The following SCP2 variants were observed in gnomAD, a reference collection of about 807,000 sequenced individuals.
SCP2 encodes the protein SCP-2/3-oxoacyl-CoA thiolase.
SCP2 carries 48 observed loss-of-function variants against 71.4 expected under a neutral mutation model. The ratio of observed to expected loss-of-function variants is 0.67; its 90% confidence interval spans 0.53 to 0.86. The LOEUF (loss-of-function observed/expected upper bound fraction) is 0.86. Among genes scored for constraint, SCP2 ranks in the 40% least tolerant of loss-of-function variants. The pLI, the probability that SCP2 is intolerant of heterozygous loss-of-function variation, is 0.00. For missense variants in SCP2, 560 were observed against 655.6 expected, an observed-to-expected ratio of 0.85 and a Z score of 1.59; for synonymous variants, 220 against 218.1, an observed-to-expected ratio of 1.01 and a Z score of -0.08.
Position 53,038,991 on chromosome 1 carries a change from G to A in SCP2, c.1413G>A (p.Glu471=), listed in dbSNP as rs1572226443. 1 of 1,614,116 alleles carries A rather than the reference G, an allele frequency of 6.2e-7. No homozygotes were observed. Among genetic ancestry groups the A allele is most frequent in the Non-Finnish European group, 8.5e-7 (1 of 1,179,980 alleles). Residue 471 remains glutamate (E), a synonymous_variant, in exon 14 of 16, where the codon GAG becomes GAA. Transcript: ENST00000371514. ...FKVKDGPGGK[E]ATWVVDVKNG... ...TGAAAGATGGCCCTGGGGGTAAAGA[G>A]GCCACCTGGGTGGTGGATGTGAAGA...
Position 52,988,137 on chromosome 1 carries a change from G to T in SCP2, c.1081+1G>T, listed in dbSNP as rs1163470161. ...AAGGGACACCCACTAGGCGCTACAG[G>T]TAATGCTACATACAGATTTCATACA... On this transcript the variant is annotated splice_donor_variant, in intron 11 of 15. Coordinates refer to ENST00000371514, the MANE Select transcript of SCP2 (RefSeq NM_002979.5). LOFTEE classifies it high-confidence loss of function. 1 of 1,408,448 alleles carries T rather than the reference G, an allele frequency of 7.1e-7. No individual in the cohort carries two copies. The highest frequency in any genetic ancestry group is 1.7e-5 in the Admixed American group (1 of 59,678). The allele number at this position is 1,408,448 out of a possible 1,614,324, so 87.2% of individuals were successfully genotyped here. A position where few individuals can be genotyped will look rare whatever the true frequency, so the allele number is the denominator to read the frequency against.
At chr1:53,040,954 AT>A (rs1232706000) in intron 14 of SCP2, among the ~76,000 whole-genome samples, 1 of 152,206 alleles carries the variant, frequency 6.6e-6, no homozygotes, top group Non-Finnish European at 1.5e-5. Context: ...GCCTTCAAAA[AT>A]GAATAATTTA....
At chr1:52,959,462 G>A (rs1656131339) in intron 5 of SCP2, among the ~76,000 whole-genome samples, 1 of 152,070 alleles carries the variant, frequency 6.6e-6, no homozygotes, top group African/African-American at 2.4e-5. Flanking sequence ...CCCAAAGTGA[G>A]ATTACAGGCA....
At chr1:52,929,945 A>G (rs1043118032) in intron 1 of SCP2, among the ~76,000 whole-genome samples, 1 of 152,116 alleles carries the variant, frequency 6.6e-6, no homozygotes. Flanking sequence ...TAACACAACT[A>G]AGTCACAGCT....
chr1:52,958,354 C>T (rs115835564), intron 5 of SCP2, among the ~76,000 whole-genome samples: 1,648 of 152,038 alleles, frequency 0.011, 25 homozygotes, highest in African/African-American at 0.038. Context: ...CTTCAACCTC[C>T]GAAGTAACTG....
chr1:53,016,324 G>A lies in SCP2; in HGVS notation c.1235+1281G>A, dbSNP rs78475315. Among the ~76,000 whole-genome samples the A allele has an allele frequency of 6.3e-3, 958 of 152,092 alleles. 16 individuals carry two copies. The highest frequency in any genetic ancestry group is 0.022 in the African/African-American group (913 of 41,450). On this transcript the variant is annotated intron_variant, in intron 12 of 15. Transcript: ENST00000371514. ...TAGTTGGTTTGGTTGCACTGTATCCGGTTTTTAATTCCCTTTATTATATGA... is the reference window on the plus strand; with the variant it reads ...TAGTTGGTTTGGTTGCACTGTATCCAGTTTTTAATTCCCTTTATTATATGA...
chr1:53,050,295 T>A, intron 15 of SCP2: 1 of 260,456 alleles, frequency 3.8e-6, no homozygotes, highest in Non-Finnish European at 7.5e-6. Context: ...ATTTCCCACC[T>A]ACATGGAATG....
chr1:53,040,930 C>A (rs372667313), intron 14 of SCP2, among the ~76,000 whole-genome samples: 1 of 151,904 alleles, frequency 6.6e-6, no homozygotes, highest in Admixed American at 6.6e-5. Flanking sequence ...TAGAATGTAC[C>A]CGAGACATGG....
intron 12 of SCP2, among the ~76,000 whole-genome samples, chr1:53,018,249 C>G (rs1477934242): frequency 6.6e-6 from 1 of 152,306 alleles, no homozygotes; most frequent in African/African-American, 2.4e-5. Flanking sequence ...TACCTTCTAC[C>G]TAGATTTACC....
intron 8 of SCP2, among the ~76,000 whole-genome samples, chr1:52,977,059 A>G (rs935662883): frequency 5.9e-5 from 9 of 152,350 alleles, no homozygotes; most frequent in Non-Finnish European, 1.2e-4. Flanking sequence ...CTTGGGGGCC[A>G]GTGGAGCCCA....
chr1:52,955,295 G>T (rs1377284511), intron 5 of SCP2, among the ~76,000 whole-genome samples: 5 of 152,196 alleles, frequency 3.3e-5, no homozygotes, highest in African/African-American at 1.2e-4. Flanking sequence ...TTGCCTTGAA[G>T]ATCTTTGCTG....
intron 14 of SCP2, among the ~76,000 whole-genome samples, chr1:53,044,301 G>T (rs866965794): frequency 1.3e-5 from 2 of 152,090 alleles, no homozygotes; most frequent in East Asian, 1.9e-4. Context: ...CAGGTGATCC[G>T]CCCACCTCAG....
intron 5 of SCP2, among the ~76,000 whole-genome samples, chr1:52,956,955 G>T (rs1006843766): frequency 1.4e-5 from 2 of 143,234 alleles, no homozygotes; most frequent in Admixed American, 1.4e-4. Context: ...TGTCACCCAG[G>T]CTGGAGTGCA....
intron 14 of SCP2, among the ~76,000 whole-genome samples, chr1:53,047,570 G>A (rs1663905351): frequency 6.6e-6 from 1 of 152,066 alleles, no homozygotes; most frequent in South Asian, 2.1e-4. Context: ...ATTTTTTCAT[G>A]TCAGTAAATC....
At chr1:52,966,374 C>G (rs886402514) in intron 6 of SCP2, among the ~76,000 whole-genome samples, 4 of 151,862 alleles carry the variant, frequency 2.6e-5, no homozygotes, top group Non-Finnish European at 5.9e-5. Flanking sequence ...ATGTTCCCCA[C>G]TTAGATCTAT....
In SCP2 at chr1:52,961,562, A is replaced by C; in HGVS notation, c.456A>C (p.Gly152=). 1 of 1,613,740 alleles carries C rather than the reference A, an allele frequency of 6.2e-7. No individual in the cohort carries two copies. Among genetic ancestry groups the C allele is most frequent in the South Asian group, 1.1e-5 (1 of 91,066 alleles). ...TTGACCTCCTGATCAATAAGTATGG[A>C]TTGTCTGCTCACCCAGTTGCTCCTC... ...KHVDLLINKY[G]LSAHPVAPQM... Residue 152 remains glycine (G), a synonymous_variant, in exon 6 of 16, where the codon GGA becomes GGC. Coordinates refer to ENST00000371514, the MANE Select transcript of SCP2 (RefSeq NM_002979.5).
chr1:52,965,113 G>A (rs1191025475), intron 6 of SCP2, among the ~76,000 whole-genome samples: 3 of 152,150 alleles, frequency 2.0e-5, no homozygotes. Context: ...GATAAAAATT[G>A]GGAAGTTAAT....
rs570151510 is a variant in SCP2 at position 53,038,084 on chromosome 1, T to A, written c.1339-833T>A. ...TTGCTTGAGCACTGGAGATCGACCCTGCAGTGAGCCCTGATTGTGCCACTG... is the reference window on the plus strand; with the variant it reads ...TTGCTTGAGCACTGGAGATCGACCCAGCAGTGAGCCCTGATTGTGCCACTG... On this transcript the variant is annotated intron_variant, in intron 13 of 15. Coordinates refer to ENST00000371514, the MANE Select transcript of SCP2 (RefSeq NM_002979.5). Among the ~76,000 whole-genome samples, 5 of 151,650 alleles carry A rather than the reference T, an allele frequency of 3.3e-5. No homozygotes were observed. The East Asian group carries it at 9.7e-4, about 30-fold the overall frequency.
At chr1:53,016,528 T>C (rs1483502348) in intron 12 of SCP2, among the ~76,000 whole-genome samples, 1 of 152,194 alleles carries the variant, frequency 6.6e-6, no homozygotes, top group Non-Finnish European at 1.5e-5. Context: ...TTTTTCAAAA[T>C]GCTGTAGAAG....
Sources: gnomAD v4.1 joint callset for allele counts (sites outside exome capture counted in the v4.1 genomes callset) on GRCh38, gnomAD v4.1.1 for gene constraint, MANE v1.5 for transcripts, NCBI Gene and HGNC (gene_info 2026-07-23, HGNC 2026-07-21) for gene names.